The following CNIH3 variants were observed in gnomAD, a reference collection of about 807,000 sequenced individuals.
CNIH3 encodes the protein protein cornichon homolog 3.
In CNIH3, 14 loss-of-function variants were observed where a neutral mutation model predicts 24.1. That is an observed-to-expected ratio of 0.58 (90% CI 0.38 to 0.91). The LOEUF is 0.91. CNIH3 is among the 40% of genes least tolerant of loss of function. The pLI, the probability that CNIH3 is intolerant of heterozygous loss-of-function variation, is 0.00. For synonymous variants in CNIH3, 68 were observed against 73.8 expected (o/e 0.92, Z 0.40); for missense variants, 178 against 196.8 (o/e 0.90, Z 0.57).
At chr1:224,467,911 T>C (rs1157786910) in intron 1 of CNIH3, among the ~76,000 whole-genome samples, 1 of 147,692 alleles carries the variant, frequency 6.8e-6, no homozygotes, top group Non-Finnish European at 1.5e-5. Flanking sequence ...GCCTACAGAC[T>C]TTTTTTTTTT....
At chr1:224,682,370 C>T (rs1686444502) in intron 2 of CNIH3, among the ~76,000 whole-genome samples, 1 of 152,180 alleles carries the variant, frequency 6.6e-6, no homozygotes, top group African/African-American at 2.4e-5. Context: ...TGCCTGTCTC[C>T]AAAGTCTCTC....
intron 4 of CNIH3, among the ~76,000 whole-genome samples, chr1:224,580,464 A>G (rs1425910267): frequency 6.6e-6 from 1 of 152,238 alleles, no homozygotes; most frequent in Admixed American, 6.5e-5. Context: ...CAAGGGCTTC[A>G]ATATTTAAAG....
chr1:224,633,455 G>T (rs1477030264), intron 1 of CNIH3, among the ~76,000 whole-genome samples: 1 of 152,134 alleles, frequency 6.6e-6, no homozygotes, highest in Non-Finnish European at 1.5e-5. Flanking sequence ...CACCAGGCCT[G>T]GCAGTTAAGA....
chr1:224,640,408 G>T (rs934579683), intron 1 of CNIH3, among the ~76,000 whole-genome samples: 3 of 152,174 alleles, frequency 2.0e-5, no homozygotes, highest in Non-Finnish European at 4.4e-5. Context: ...AACAACAGTT[G>T]CCCTGAGAGG....
upstream of CNIH3, among the ~76,000 whole-genome samples, chr1:224,613,071 T>TCA (rs1682773949): frequency 6.6e-6 from 1 of 152,204 alleles, no homozygotes; most frequent in African/African-American, 2.4e-5. Flanking sequence ...TGATCACAGC[T>TCA]CACTGTGCCT....
chr1:224,707,987 T>C (rs1308356694), intron 3 of CNIH3, among the ~76,000 whole-genome samples: 1 of 152,066 alleles, frequency 6.6e-6, no homozygotes, highest in Admixed American at 6.5e-5. Context: ...TGTTGCAGGG[T>C]CCTCCTGCCA....
chr1:224,546,421 A>G (rs1679706595), intron 2 of CNIH3, among the ~76,000 whole-genome samples: 1 of 152,144 alleles, frequency 6.6e-6, no homozygotes, highest in Non-Finnish European at 1.5e-5. Context: ...ATCAGTTAGC[A>G]TGAATTAGGA....
chr1:224,581,670 A>G (rs1010157790), intron 4 of CNIH3, among the ~76,000 whole-genome samples: 5 of 152,220 alleles, frequency 3.3e-5, no homozygotes, highest in African/African-American at 1.2e-4. Context: ...AGAGAAAAAA[A>G]GAATTGTCAT....
rs1349835857 is a variant in CNIH3, at chr1:224,703,760, C to CA, written c.198+18918dup. Among the ~76,000 whole-genome samples, 1 of 152,198 alleles carries CA rather than the reference C, an allele frequency of 6.6e-6. No homozygotes were observed. The highest frequency in any genetic ancestry group is 1.5e-5 in the Non-Finnish European group (1 of 68,040). On this transcript the variant is annotated intron_variant, in intron 3 of 5. Coordinates refer to ENST00000272133, the MANE Select transcript of CNIH3 (RefSeq NM_152495.2). This position sits in a 1 kb window ranked among gnomAD's most constrained non-coding sequence, Gnocchi z 4.2. ...CAAAAATATTCCTAGTATTTTTATA[C>CA]ATGTGAACATTTCCTGGTTCTGCAG... is the stretch of plus-strand genomic sequence containing the variant.
intron 1 of CNIH3, among the ~76,000 whole-genome samples, chr1:224,618,612 G>A (rs187732513): frequency 1.6e-4 from 24 of 152,320 alleles, no homozygotes; most frequent in Non-Finnish European, 2.9e-4. Flanking sequence ...GTAACCTTAG[G>A]AAAGACCCTT....
chr1:224,554,838 C>G (rs1306422120), intron 3 of CNIH3, among the ~76,000 whole-genome samples: 6 of 152,108 alleles, frequency 3.9e-5, no homozygotes, highest in African/African-American at 1.4e-4. Context: ...CCTTCTGCCT[C>G]GACCTCCCAA....
chr1:224,563,276 G>A (rs1572483502), intron 3 of CNIH3, among the ~76,000 whole-genome samples: 1 of 152,146 alleles, frequency 6.6e-6, no homozygotes, highest in South Asian at 2.1e-4. Flanking sequence ...AACACAAAAT[G>A]AACTAAGACA....
intron 1 of CNIH3, among the ~76,000 whole-genome samples, chr1:224,667,643 G>A (rs1162335912): frequency 6.6e-6 from 1 of 152,088 alleles, no homozygotes; most frequent in African/African-American, 2.4e-5. Flanking sequence ...GCAAACGCTA[G>A]AAAGCTGGAT....
At chr1:224,654,101 G>T (rs1373662843) in intron 1 of CNIH3, among the ~76,000 whole-genome samples, 1 of 151,960 alleles carries the variant, frequency 6.6e-6, no homozygotes, top group Non-Finnish European at 1.5e-5. Context: ...AAAAGATTTG[G>T]CTGGATGCAG....
chr1:224,559,672 A>AT (rs1572476198), intron 3 of CNIH3, among the ~76,000 whole-genome samples: 1 of 152,202 alleles, frequency 6.6e-6, no homozygotes, highest in South Asian at 2.1e-4. Flanking sequence ...TACATCTGTA[A>AT]TTTTTTTAAA....
intron 3 of CNIH3, among the ~76,000 whole-genome samples, chr1:224,701,803 A>G (rs1687504947): frequency 6.6e-6 from 1 of 152,228 alleles, no homozygotes; most frequent in Non-Finnish European, 1.5e-5. Context: ...GTTAAGTAAC[A>G]TAAGCTAGTA....
At chr1:224,446,388 T>C (rs1457594766) in intron 1 of CNIH3, among the ~76,000 whole-genome samples, 1 of 152,180 alleles carries the variant, frequency 6.6e-6, no homozygotes, top group Non-Finnish European at 1.5e-5. Flanking sequence ...TGAATCTTTG[T>C]GTCTAGGAAT....
chr1:224,470,275 C>G (rs975679348), intron 1 of CNIH3, among the ~76,000 whole-genome samples: 8 of 151,376 alleles, frequency 5.3e-5, no homozygotes, highest in African/African-American at 1.9e-4. Context: ...GCCTCGGCCT[C>G]CCGAAGTGTT....
chr1:224,689,516 T>A (rs1285472387), intron 3 of CNIH3, among the ~76,000 whole-genome samples: 1 of 152,052 alleles, frequency 6.6e-6, no homozygotes, highest in Non-Finnish European at 1.5e-5. Context: ...GCCTCCTCCC[T>A]CCCGTCTCTC....
Sources: gnomAD v4.1 joint callset for allele counts (sites outside exome capture counted in the v4.1 genomes callset) on GRCh38, gnomAD v4.1.1 for gene constraint, Gnocchi (gnomAD v3.1) non-coding constraint, MANE v1.5 for transcripts, NCBI Gene and HGNC (gene_info 2026-07-23, HGNC 2026-07-21) for gene names.